SEMA3D: variants seen among roughly 807,000 people sequenced by gnomAD.
The protein encoded by SEMA3D is semaphorin-3D.
SEMA3D carries 84 observed loss-of-function variants against 100.1 expected under a neutral mutation model. That is an observed-to-expected ratio of 0.84 (90% confidence interval 0.70 to 1.01). The LOEUF (loss-of-function observed/expected upper bound fraction) is 1.01, where lower values mean the gene tolerates loss of function less well. Among genes scored for constraint, SEMA3D ranks in the 50% least tolerant of loss-of-function variants. The pLI, the probability that SEMA3D is intolerant of heterozygous loss-of-function variation, is 0.00. For synonymous variants in SEMA3D, 312 were observed against 320.7 expected (o/e 0.97, Z 0.29); for missense variants, 875 against 934.1 (o/e 0.94, Z 0.82).
intron 12 of SEMA3D, among the ~76,000 whole-genome samples, chr7:85,030,752 T>G (rs1004719431): frequency 9.9e-5 from 15 of 152,032 alleles, no homozygotes; most frequent in Non-Finnish European, 1.3e-4. Context: ...AAAAACCAAC[T>G]ATCAAGTTGG....
intron 6 of SEMA3D, among the ~76,000 whole-genome samples, chr7:85,070,787 TTTG>T (rs34555973): frequency 0.17 from 25,447 of 152,022 alleles, 2,429 homozygotes; most frequent in African/African-American, 0.27. Context: ...GTGACTTTTT[TTTG>T]TTGTTGTTTG....
intron 1 of SEMA3D, among the ~76,000 whole-genome samples, chr7:85,154,960 A>G (rs1171909403): frequency 6.6e-6 from 1 of 152,202 alleles, no homozygotes; most frequent in East Asian, 1.9e-4. Context: ...CTATATATAA[A>G]GAATTGTGTC....
At chr7:85,234,298 G>C in the SEMA3D span, among the ~76,000 whole-genome samples, 4 of 152,162 alleles carry the variant, frequency 2.6e-5, no homozygotes, top group East Asian at 7.7e-4. Context: ...GCGAGAAAGA[G>C]ATCAGAACTG....
At chr7:85,017,395 T>C (rs538305311) in intron 15 of SEMA3D, among the ~76,000 whole-genome samples, 2 of 151,844 alleles carry the variant, frequency 1.3e-5, no homozygotes, top group East Asian at 3.9e-4. Flanking sequence ...CATTCATTCA[T>C]GTACCCTCCA....
intron 1 of SEMA3D, among the ~76,000 whole-genome samples, chr7:85,164,064 C>T (rs1011371048): frequency 3.3e-5 from 5 of 152,014 alleles, no homozygotes; most frequent in Non-Finnish European, 5.9e-5. Flanking sequence ...TTTCAAAATG[C>T]TAATTAGTTT....
intron 9 of SEMA3D, among the ~76,000 whole-genome samples, chr7:85,042,497 C>T (rs1012678571): frequency 2.6e-5 from 4 of 152,054 alleles, no homozygotes; most frequent in Admixed American, 6.6e-5. Context: ...GAATTAAATA[C>T]AAGCAGTTCA....
chr7:85,140,666 A>T, intron 2 of SEMA3D: 2 of 978,166 alleles, frequency 2.0e-6, no homozygotes, highest in Non-Finnish European at 2.4e-6. Context: ...ACACGAACAC[A>T]TTATTAAGTG....
chr7:85,243,985 CTTGT>C, the SEMA3D span, among the ~76,000 whole-genome samples: 1 of 152,088 alleles, frequency 6.6e-6, no homozygotes, highest in Non-Finnish European at 1.5e-5. Context: ...CAGTATATAT[CTTGT>C]TTAAGTATCT....
At position 85,099,320 on chromosome 7, in the gene SEMA3D, A is replaced by T. The variant is rs1562817865; in HGVS notation, c.152-1355T>A. ...TAGTGAATAAGTCTCATGAGAGCTG[A>T]TGGTTTTATAAGGGGAAACCCCTTT... On this transcript the variant is annotated intron_variant, in intron 3 of 18. Transcript: ENST00000284136. Among the ~76,000 whole-genome samples the T allele has an allele frequency of 4.6e-5, 7 of 151,904 alleles. No individual in the cohort carries two copies. In the South Asian group the frequency reaches 1.5e-3, roughly 32 times the overall value.
At chr7:85,176,658 G>T (rs2116562895) in intron 1 of SEMA3D, among the ~76,000 whole-genome samples, 1 of 151,860 alleles carries the variant, frequency 6.6e-6, no homozygotes, top group East Asian at 1.9e-4. Flanking sequence ...TCTGACTGAA[G>T]GAAAGCTTCC....
At chr7:85,181,859 A>G in intron 1 of SEMA3D, 2 of 375,502 alleles carry the variant, frequency 5.3e-6, no homozygotes, top group Non-Finnish European at 7.3e-6. Flanking sequence ...AAAGCATCCA[A>G]TATTAATAAT....
intron 2 of SEMA3D, among the ~76,000 whole-genome samples, chr7:85,124,322 C>A (rs1023338769): frequency 4.6e-5 from 7 of 151,678 alleles, no homozygotes; most frequent in Non-Finnish European, 7.4e-5. Flanking sequence ...AATTCCAATA[C>A]AAGTTTTAAA....
chr7:85,031,116 T>A (rs909909277), intron 12 of SEMA3D, among the ~76,000 whole-genome samples: 16 of 151,912 alleles, frequency 1.1e-4, no homozygotes, highest in African/African-American at 3.6e-4. Context: ...AGCTAGGAGT[T>A]TAGGTTTGAC....
At chr7:85,190,866 C>G (rs1791681138), upstream of SEMA3D, among the ~76,000 whole-genome samples, 1 of 151,932 alleles carries the variant, frequency 6.6e-6, no homozygotes, top group African/African-American at 2.4e-5. Context: ...TCAGAAGACA[C>G]CTCAAAACCT....
chr7:85,098,127 G>A (rs1014607292), intron 3 of SEMA3D, among the ~76,000 whole-genome samples, 162 bp from the exon 4 acceptor site: 1 of 151,536 alleles, frequency 6.6e-6, no homozygotes, highest in Non-Finnish European at 1.5e-5. Flanking sequence ...GAAAGAATTA[G>A]TAATAGGCAA....
intron 1 of SEMA3D, among the ~76,000 whole-genome samples, chr7:85,158,708 GT>G (rs1790663660): frequency 4.6e-5 from 7 of 152,050 alleles, no homozygotes. Context: ...AAACTTGCTG[GT>G]TTTGCGGCTT....
intron 2 of SEMA3D, among the ~76,000 whole-genome samples, chr7:85,136,498 C>T (rs751270178): frequency 7.2e-5 from 11 of 151,888 alleles, no homozygotes; most frequent in Non-Finnish European, 1.3e-4. Context: ...ATCAATGTAG[C>T]GCAATATGGT....
chr7:85,060,261 T>G (rs1454791652), intron 8 of SEMA3D, among the ~76,000 whole-genome samples: 1 of 152,178 alleles, frequency 6.6e-6, no homozygotes, highest in Non-Finnish European at 1.5e-5. Context: ...AAGTAGTGCT[T>G]TATTCTGTGA....
At chr7:85,174,533 T>C (rs1187682263) in intron 1 of SEMA3D, among the ~76,000 whole-genome samples, 1 of 152,156 alleles carries the variant, frequency 6.6e-6, no homozygotes, top group Admixed American at 6.6e-5. Context: ...TGCACTTATT[T>C]TGTGCAAGAC....
Sources: gnomAD v4.1 joint callset for allele counts (sites outside exome capture counted in the v4.1 genomes callset) on GRCh38, gnomAD v4.1.1 for gene constraint, MANE v1.5 for transcripts, NCBI Gene and HGNC (gene_info 2026-07-23, HGNC 2026-07-21) for gene names.